Variants in DCUN1D4 observed in about 807,000 individuals in gnomAD.
DCUN1D4 encodes the protein DCN1-like protein 4.
Under a neutral mutation model 47.9 loss-of-function variants are expected in DCUN1D4, and 22 were observed. The ratio of observed to expected loss-of-function variants is 0.46; its 90% CI spans 0.33 to 0.66. DCUN1D4 has a LOEUF of 0.66. Among genes scored for constraint, DCUN1D4 ranks in the 30% least tolerant of loss-of-function variants. DCUN1D4 has a pLI of 0.02. For missense variants in DCUN1D4, 301 were observed against 340.8 expected, an observed-to-expected ratio of 0.88 and a Z score of 0.92; for synonymous variants, 121 against 112.2, an observed-to-expected ratio of 1.08 and a Z score of -0.50.
At chr4:51,842,971 A>C (rs777525112), upstream of DCUN1D4, 16 of 1,044,196 alleles carry the variant, frequency 1.5e-5, no homozygotes, top group Non-Finnish European at 2.0e-5. Flanking sequence ...CGTTACGGAG[A>C]CAAGGCCCCA....
chr4:51,842,705 C>T (rs1384270553), upstream of DCUN1D4, among the ~76,000 whole-genome samples: 1 of 152,196 alleles, frequency 6.6e-6, no homozygotes, highest in Non-Finnish European at 1.5e-5. Context: ...CTTCCAGCAG[C>T]TGGTACGAGC....
At chr4:51,888,171 G>A (rs771290188) in intron 6 of DCUN1D4, among the ~76,000 whole-genome samples, 5 of 152,128 alleles carry the variant, frequency 3.3e-5, no homozygotes, top group South Asian at 2.1e-4. Context: ...ATGGGGTACC[G>A]TAGTAAGTAT....
upstream of DCUN1D4, chr4:51,843,107 G>A: frequency 2.1e-6 from 3 of 1,456,556 alleles, no homozygotes; most frequent in South Asian, 1.4e-5. Context: ...TTAGCCAATG[G>A]AGAAGGCGAG....
chr4:51,844,651 A>G (rs1722216416), intron 1 of DCUN1D4, among the ~76,000 whole-genome samples: 1 of 151,306 alleles, frequency 6.6e-6, no homozygotes, highest in Non-Finnish European at 1.5e-5. Flanking sequence ...GCCGGGCCCT[A>G]GGCCGCGCCC....
At chr4:51,857,650 T>G (rs1464210782) in intron 1 of DCUN1D4, among the ~76,000 whole-genome samples, 1 of 152,316 alleles carries the variant, frequency 6.6e-6, no homozygotes, top group East Asian at 1.9e-4. Flanking sequence ...TTCCTGTCAT[T>G]ACGTTTGCAT....
At chr4:51,844,862 C>T in intron 1 of DCUN1D4, 1 of 985,292 alleles carries the variant, frequency 1.0e-6, no homozygotes, top group Non-Finnish European at 1.2e-6. Flanking sequence ...GCATGCAGCG[C>T]GCCCTTGGAG....
At chr4:51,834,577 A>T in the DCUN1D4 span, among the ~76,000 whole-genome samples, 1 of 152,078 alleles carries the variant, frequency 6.6e-6, no homozygotes, top group African/African-American at 2.4e-5. Context: ...TTCCTCAAGG[A>T]TGTTGTTCAA....
rs1734241087 is a variant in DCUN1D4, at chr4:51,915,464, A to C, written c.*1880A>C. On this transcript the variant is annotated 3_prime_UTR_variant, in exon 11 of 11. Coordinates refer to ENST00000334635, the MANE Select transcript of DCUN1D4 (RefSeq NM_001040402.3). Reference sequence around the variant, plus strand: ...AAAAGAACAGGAAATGTTAATGGCAAGCAACAGCTATTAATACTGATGTGA... The same window carrying C: ...AAAAGAACAGGAAATGTTAATGGCACGCAACAGCTATTAATACTGATGTGA... 6.6e-6 allele frequency: 1 copy of C among 152,512 alleles called. No individual in the cohort carries two copies. The highest frequency in any genetic ancestry group is 1.5e-5 in the Non-Finnish European group (1 of 68,020). The allele number at this position is 152,512 out of a possible 1,614,324, so 9.4% of individuals were successfully genotyped here. A position where few individuals can be genotyped will look rare whatever the true frequency, so the allele number is the denominator to read the frequency against.
intron 1 of DCUN1D4, among the ~76,000 whole-genome samples, chr4:51,858,403 T>C (rs1179775645): frequency 6.6e-6 from 1 of 152,080 alleles, no homozygotes; most frequent in Non-Finnish European, 1.5e-5. Flanking sequence ...CTGAGTAGAA[T>C]GAACAAGGGG....
chr4:51,875,300 G>A (rs906245982), intron 4 of DCUN1D4: 1 of 152,170 alleles, frequency 6.6e-6, no homozygotes, highest in East Asian at 1.9e-4. Context: ...ACTTTACAAA[G>A]GCAGGCTACT....
chr4:51,851,148 G>A (rs899534858), intron 1 of DCUN1D4, among the ~76,000 whole-genome samples: 5 of 152,192 alleles, frequency 3.3e-5, no homozygotes, highest in Admixed American at 2.6e-4. Context: ...CCCTCACTCA[G>A]CCATTCAGCA....
In DCUN1D4 at chr4:51,850,844, G is replaced by A. The variant is rs191455381; in HGVS notation, c.25+7577G>A. Among the ~76,000 whole-genome samples the A allele has an allele frequency of 9.2e-5, 14 of 152,250 alleles. No individual in the cohort carries two copies. In the East Asian group the frequency reaches 2.7e-3, roughly 30 times the overall value. On this transcript the variant is annotated intron_variant, in intron 1 of 10. Coordinates refer to ENST00000334635, the MANE Select transcript of DCUN1D4 (RefSeq NM_001040402.3). ...AGGAGGTTTTAAGCTAAGCCCTGAT[G>A]GAGCTGAGGGGCCATTCCAGGCAGA...
At chr4:51,876,783 G>A (rs1304849845) in intron 4 of DCUN1D4, among the ~76,000 whole-genome samples, 3 of 151,774 alleles carry the variant, frequency 2.0e-5, no homozygotes, top group Non-Finnish European at 2.9e-5. Context: ...GGTATAGGTG[G>A]GGGTCCTGGA....
intron 8 of DCUN1D4, 102 bp from the exon 9 acceptor site, chr4:51,910,968 A>C: frequency 4.4e-6 from 5 of 1,139,386 alleles, no homozygotes; most frequent in Non-Finnish European, 6.6e-6. Context: ...ATGATAAATG[A>C]GCTGTTTACT....
At chr4:51,847,519 C>T (rs1276523617) in intron 1 of DCUN1D4, among the ~76,000 whole-genome samples, 3 of 152,178 alleles carry the variant, frequency 2.0e-5, no homozygotes, top group African/African-American at 4.8e-5. Context: ...TGCATCTCTT[C>T]CCATGCCCAG....
At chr4:51,838,172 G>A (rs1053280448), upstream of DCUN1D4, among the ~76,000 whole-genome samples, 1 of 152,064 alleles carries the variant, frequency 6.6e-6, no homozygotes, top group African/African-American at 2.4e-5. Context: ...TATCGAAGTC[G>A]AGAATTTATA....
intron 3 of DCUN1D4, among the ~76,000 whole-genome samples, chr4:51,865,706 G>A (rs1442095267): frequency 6.6e-6 from 1 of 152,068 alleles, no homozygotes; most frequent in Non-Finnish European, 1.5e-5. Context: ...GCATTTTGGG[G>A]GCTGTTGAGA....
At chr4:51,877,956 T>G (rs553957919) in intron 5 of DCUN1D4, 102 bp downstream of exon 5, 20 of 348,068 alleles carry the variant, frequency 5.7e-5, no homozygotes, top group South Asian at 3.0e-4. Context: ...CAAATTTGGG[T>G]GTGTGTGTGT....
chr4:51,887,589 G>A (rs746766407), intron 6 of DCUN1D4, among the ~76,000 whole-genome samples: 3 of 152,134 alleles, frequency 2.0e-5, no homozygotes, highest in Non-Finnish European at 4.4e-5. Context: ...TAACTATGCA[G>A]TTTGATATTA....
Sources: gnomAD v4.1 joint callset for allele counts (sites outside exome capture counted in the v4.1 genomes callset) on GRCh38, gnomAD v4.1.1 for gene constraint, MANE v1.5 for transcripts, NCBI Gene and HGNC (gene_info 2026-07-23, HGNC 2026-07-21) for gene names.